Variants in ZNF800 observed in about 807,000 individuals in gnomAD.
ZNF800 encodes zinc finger protein 800.
In ZNF800, 13 loss-of-function variants were observed where a neutral mutation model predicts 59.5. The ratio of observed to expected loss-of-function variants is 0.22; its 90% CI spans 0.14 to 0.35. ZNF800 has a LOEUF of 0.35. ZNF800 is among the 10% of genes least tolerant of loss of function. The pLI, the probability that ZNF800 is intolerant of heterozygous loss-of-function variation, is 1.00. For missense variants in ZNF800, 621 were observed against 783.7 expected, an observed-to-expected ratio of 0.79 and a Z score of 2.48; for synonymous variants, 266 against 265.7, an observed-to-expected ratio of 1.00 and a Z score of -0.01.
chr7:127,382,490 C>T (rs1801004804), intron 3 of ZNF800, among the ~76,000 whole-genome samples: 1 of 152,104 alleles, frequency 6.6e-6, no homozygotes, highest in African/African-American at 2.4e-5. Context: ...AATTTGAAGA[C>T]ACCATATTAG....
downstream of ZNF800, among the ~76,000 whole-genome samples, chr7:127,369,608 T>C (rs1204624316): frequency 1.3e-5 from 2 of 152,142 alleles, no homozygotes; most frequent in Non-Finnish European, 2.9e-5. Context: ...AATTCAGCTA[T>C]TATGATAAAA....
chr7:127,373,523 C>G lies in ZNF800; in HGVS notation c.1813G>C (p.Val605Leu), dbSNP rs761509560. 1 of 1,614,026 alleles carries G rather than the reference C, an allele frequency of 6.2e-7. No individual in the cohort carries two copies. Among genetic ancestry groups the G allele is most frequent in the East Asian group, 2.2e-5 (1 of 44,878 alleles). Residue 605 changes from valine to leucine, a missense_variant, in exon 5 of 6, where the codon GTC becomes CTC. Val to Leu is a conservative substitution (Grantham distance 32). Around this residue, in one of 7 missense-constraint regions of ZNF800, gnomAD observed 94 missense variants for 108.5 expected, o/e 0.87. Transcript: ENST00000265827. The part of the protein sequence containing the change: ...SPSKKYEVAD[V>L]GIEVKVTKNF... ...TTTGTGACTTTTACTTCAATACCGACGTCAGCTACTTCATACTTTTTACTA... is the reference window on the plus strand; with the variant it reads ...TTTGTGACTTTTACTTCAATACCGAGGTCAGCTACTTCATACTTTTTACTA...
In ZNF800 at chr7:127,392,332, G is replaced by T; in HGVS notation, c.-331C>A. ...CTCCGCGCTGTGTGGCTAGGCGGGA[G>T]GCGCGCGGGCGGAGGCAGTTGACAG... On this transcript the variant is annotated 5_prime_UTR_variant, in exon 1 of 6. Coordinates refer to ENST00000265827, the MANE Select transcript of ZNF800 (RefSeq NM_176814.5). 1 of 384,188 alleles carries T rather than the reference G, an allele frequency of 2.6e-6. No individual in the cohort carries two copies. Among genetic ancestry groups the T allele is most frequent in the East Asian group, 3.7e-5 (1 of 26,880 alleles). The allele number at this position is 384,188 out of a possible 1,614,324, so 23.8% of individuals were successfully genotyped here.
At chr7:127,375,581 T>C (rs1800769225) in intron 4 of ZNF800, among the ~76,000 whole-genome samples, 2 of 152,098 alleles carry the variant, frequency 1.3e-5, no homozygotes, top group Admixed American at 6.5e-5. Flanking sequence ...TGGGATGATG[T>C]GTAGAAGTAT....
chr7:127,385,563 TC>T (rs1438011364), intron 3 of ZNF800, among the ~76,000 whole-genome samples: 1 of 152,160 alleles, frequency 6.6e-6, no homozygotes, highest in Non-Finnish European at 1.5e-5. Flanking sequence ...CTTTCTTCTA[TC>T]TTGCGCTCTA....
chr7:127,354,479 T>TA (rs151150261), intron 1 of ZNF800, among the ~76,000 whole-genome samples: 23,157 of 151,628 alleles, frequency 0.15, 1,888 homozygotes, highest in Admixed American at 0.2. Context: ...CATTGTTAAG[T>TA]AAAAAAAAGC....
chr7:127,382,570 T>C (rs1444706775), intron 3 of ZNF800, among the ~76,000 whole-genome samples: 5 of 152,258 alleles, frequency 3.3e-5, no homozygotes, highest in Admixed American at 6.5e-5. Context: ...GTCAAGGTAG[T>C]AGAAGAAACC....
chr7:127,345,675 C>T (rs1395121942), downstream of ZNF800, among the ~76,000 whole-genome samples: 3 of 152,144 alleles, frequency 2.0e-5, no homozygotes, highest in Admixed American at 2.0e-4. Context: ...TCAGACTGTG[C>T]AAGGCTATGT....
intron 2 of ZNF800, among the ~76,000 whole-genome samples, chr7:127,391,237 A>G (rs1801302198): frequency 6.6e-6 from 1 of 152,198 alleles, no homozygotes; most frequent in South Asian, 2.1e-4. Flanking sequence ...GGATGCCTTG[A>G]AAAAGAAAGA....
chr7:127,349,083 C>A (rs971705502), intron 1 of ZNF800, among the ~76,000 whole-genome samples: 1 of 151,840 alleles, frequency 6.6e-6, no homozygotes, highest in Non-Finnish European at 1.5e-5. Flanking sequence ...AAAATCTGGG[C>A]TTTTGAGAAA....
Position 127,375,031 on chromosome 7 carries a change from A to G in ZNF800, c.305T>C (p.Leu102Pro), listed in dbSNP as rs770417116. The change falls in exon 5 of 6, where the codon CTT becomes CCT. Residue 102 changes from leucine to proline, a missense_variant. Transcript: ENST00000265827. ...GCTTTGTTTATCATTTACATCAGGAAGGTCTGTTAAGGAAAAAACAACATT... is the reference window on the plus strand; with the variant it reads ...GCTTTGTTTATCATTTACATCAGGAGGGTCTGTTAAGGAAAAAACAACATT... ...CPPSLQMDDNLPDVNDKQSQA... is the reference protein window; with the variant it reads ...CPPSLQMDDNPPDVNDKQSQA... 6.4e-7 allele frequency: 1 copy of G among 1,553,620 alleles called. No individual in the cohort carries two copies. Among genetic ancestry groups the G allele is most frequent in the Non-Finnish European group, 8.7e-7 (1 of 1,155,284 alleles).
At chr7:127,379,318 T>C (rs1325020435) in intron 3 of ZNF800, among the ~76,000 whole-genome samples, 1 of 152,146 alleles carries the variant, frequency 6.6e-6, no homozygotes, top group East Asian at 1.9e-4. Flanking sequence ...CCTATATATA[T>C]TTCTCAGGAA....
Position 127,358,430 on chromosome 7 carries a change from C to A in ZNF800, n.225-10387G>T, listed in dbSNP as rs17867075. On this transcript the variant is annotated intron_variant and non_coding_transcript_variant, in intron 1 of 1. Transcript: ENST00000485577. ...ATAGTCTCTTAATTGATTTCCCTCA[C>A]ACAATCCCACATCCCCACCTCCACT... is the stretch of plus-strand genomic sequence containing the variant. Among the ~76,000 whole-genome samples, 654 of 152,156 alleles carry A rather than the reference C, an allele frequency of 4.3e-3. 5 individuals carry two copies. Among genetic ancestry groups the A allele is most frequent in the African/African-American group, 0.015 (625 of 41,524 alleles).
At chr7:127,359,439 T>C (rs1182427975) in intron 1 of ZNF800, among the ~76,000 whole-genome samples, 2 of 151,550 alleles carry the variant, frequency 1.3e-5, no homozygotes, top group Non-Finnish European at 2.9e-5. Context: ...CAAATTAAAA[T>C]TCTAGCAAAG....
chr7:127,378,265 C>T (rs969244063), intron 3 of ZNF800, among the ~76,000 whole-genome samples: 2 of 151,932 alleles, frequency 1.3e-5, no homozygotes, highest in Admixed American at 1.3e-4. Context: ...TAAAAAGCAC[C>T]TGATCTTTAA....
intron 1 of ZNF800, among the ~76,000 whole-genome samples, chr7:127,354,515 T>C (rs558572609): frequency 6.6e-6 from 1 of 152,040 alleles, no homozygotes; most frequent in Non-Finnish European, 1.5e-5. Context: ...ATGCATAATA[T>C]GCTACCATCT....
At chr7:127,371,843 T>A in intron 5 of ZNF800, 29 bp from the exon 6 acceptor site, 1 of 760,194 alleles carries the variant, frequency 1.3e-6, no homozygotes, top group Admixed American at 1.8e-5. Context: ...AAATGAACAC[T>A]TTTGAGTTTA....
Position 127,377,132 on chromosome 7 carries a change from G to A in ZNF800, c.301+54C>T. 2 of 1,472,782 alleles carry A rather than the reference G, an allele frequency of 1.4e-6. No individual in the cohort carries two copies. Among genetic ancestry groups the A allele is most frequent in the Non-Finnish European group, 1.8e-6 (2 of 1,084,360 alleles). 91.2% of individuals were successfully genotyped at this position (1,472,782 alleles called of 1,614,324 possible). A position where few individuals can be genotyped will look rare whatever the true frequency, so the allele number is the denominator to read the frequency against. ...ATTTTAATGCAAATGTATACTTGCA[G>A]TATAAGAATACTTAGCTGTAAAATG... On this transcript the variant is annotated intron_variant, in intron 4 of 5. Transcript: ENST00000265827. This position sits in a 1 kb window ranked among gnomAD's most constrained non-coding sequence, Gnocchi z 4.7.
intron 1 of ZNF800, chr7:127,364,710 C>T (rs1455843850): frequency 6.6e-6 from 1 of 152,034 alleles, no homozygotes; most frequent in African/African-American, 2.4e-5. Flanking sequence ...GTGAAGTAGA[C>T]AGGCAAGGGT....
Sources: gnomAD v4.1 joint callset for allele counts (sites outside exome capture counted in the v4.1 genomes callset) on GRCh38, gnomAD v4.1.1 for gene constraint, gnomAD v4.1.1 regional missense constraint, Gnocchi (gnomAD v3.1) non-coding constraint, MANE v1.5 for transcripts, NCBI Gene and HGNC (gene_info 2026-07-23, HGNC 2026-07-21) for gene names.